Variants in LPP observed in about 807,000 individuals in gnomAD.
LPP encodes the protein LIM domain containing preferred translocation partner in lipoma.
In LPP, 38 loss-of-function variants were observed where a neutral mutation model predicts 60.4. The ratio of observed to expected loss-of-function variants is 0.63; its 90% CI spans 0.49 to 0.83. The LOEUF is 0.83. LPP is among the 40% of genes least tolerant of loss of function. The pLI is 0.00. For missense variants in LPP, 902 were observed against 783.6 expected (o/e 1.15, Z -1.80); for synonymous variants, 328 against 290.8 (o/e 1.13, Z -1.30).
intron 8 of LPP, among the ~76,000 whole-genome samples, chr3:188,755,432 C>A (rs1729813074): frequency 6.6e-6 from 1 of 151,976 alleles, no homozygotes; most frequent in African/African-American, 2.4e-5. Flanking sequence ...GTGGTGATCA[C>A]AGGAAAAACA....
Position 188,875,092 on chromosome 3 carries a change from T to C in LPP, c.*613T>C. The C allele has an allele frequency of 9.1e-6, 2 of 219,504 alleles. No homozygotes were observed. The highest frequency in any genetic ancestry group is 1.8e-5 in the Non-Finnish European group (2 of 109,454). 13.6% of individuals were successfully genotyped at this position (219,504 alleles called of 1,614,324 possible). ...CAAATTTAATTTGCAACCATCAGAA[T>C]TCAGAATCTATAGTGACCAGTGATC... On this transcript the variant is annotated 3_prime_UTR_variant, in exon 12 of 12. Transcript: ENST00000617246.
chr3:188,698,184 T>C (rs1863679761), intron 7 of LPP, among the ~76,000 whole-genome samples: 1 of 152,164 alleles, frequency 6.6e-6, no homozygotes, highest in Admixed American at 6.5e-5. Context: ...ATGAAACGTG[T>C]GCCTGGAGTC....
intron 5 of LPP, among the ~76,000 whole-genome samples, chr3:188,486,542 A>G (rs1806593959): frequency 1.3e-5 from 2 of 152,124 alleles, no homozygotes; most frequent in African/African-American, 4.8e-5. Context: ...TTGAAGAAGG[A>G]GAGGAGGGAA....
intron 9 of LPP, among the ~76,000 whole-genome samples, chr3:188,821,410 A>T (rs548781612): frequency 6.7e-6 from 1 of 149,988 alleles, no homozygotes; most frequent in African/African-American, 2.5e-5. Context: ...CAATGTTAAG[A>T]TTCATTGTTT....
intron 4 of LPP, among the ~76,000 whole-genome samples, chr3:188,438,737 A>G (rs948450361): frequency 1.3e-5 from 2 of 152,208 alleles, no homozygotes; most frequent in East Asian, 1.9e-4. Context: ...TAATGTCACT[A>G]TAACGTAAAA....
intron 7 of LPP, among the ~76,000 whole-genome samples, chr3:188,665,241 G>A (rs1855507142): frequency 6.6e-6 from 1 of 151,970 alleles, no homozygotes; most frequent in Non-Finnish European, 1.5e-5. Context: ...TGGGCTACAG[G>A]CATTCAATAC....
At chr3:188,566,194 A>G (rs1161524086) in intron 6 of LPP, among the ~76,000 whole-genome samples, 1 of 151,992 alleles carries the variant, frequency 6.6e-6, no homozygotes, top group African/African-American at 2.4e-5. Flanking sequence ...CACGATTACA[A>G]GACGATGGAA....
At chr3:188,299,993 AC>A (rs1278736843) in intron 2 of LPP, among the ~76,000 whole-genome samples, 6 of 152,230 alleles carry the variant, frequency 3.9e-5, no homozygotes, top group African/African-American at 7.2e-5. Context: ...TGTAATCTCA[AC>A]AAAGGGACTT....
At chr3:188,591,326 T>C (rs1366560604) in intron 6 of LPP, among the ~76,000 whole-genome samples, 1 of 152,204 alleles carries the variant, frequency 6.6e-6, no homozygotes, top group Non-Finnish European at 1.5e-5. Flanking sequence ...TAACATAGCC[T>C]TTTTCTGTTA....
intron 1 of LPP, among the ~76,000 whole-genome samples, chr3:188,210,510 G>T (rs999183751): frequency 6.6e-6 from 1 of 152,202 alleles, no homozygotes; most frequent in African/African-American, 2.4e-5. Flanking sequence ...GAATACCAAT[G>T]GGGCAGGCAC....
At chr3:188,444,013 G>A (rs1794653199) in intron 4 of LPP, among the ~76,000 whole-genome samples, 1 of 152,140 alleles carries the variant, frequency 6.6e-6, no homozygotes, top group South Asian at 2.1e-4. Flanking sequence ...TGCAAATATA[G>A]TGCATAATTT....
intron 7 of LPP, among the ~76,000 whole-genome samples, chr3:188,696,825 C>T (rs1251615842): frequency 1.3e-5 from 2 of 152,122 alleles, no homozygotes; most frequent in Admixed American, 1.3e-4. Flanking sequence ...GATTTCCTGA[C>T]TGGATTATAA....
chr3:188,803,100 A>G (rs1747837076), intron 9 of LPP, among the ~76,000 whole-genome samples: 1 of 134,664 alleles, frequency 7.4e-6, no homozygotes, highest in South Asian at 2.3e-4. Flanking sequence ...GCTAGAGTGT[A>G]GTGGCACAAT....
At chr3:188,252,310 C>T (rs1280712000) in intron 2 of LPP, among the ~76,000 whole-genome samples, 1 of 146,214 alleles carries the variant, frequency 6.8e-6, no homozygotes, top group East Asian at 2.0e-4. Flanking sequence ...TGCACTCCCT[C>T]TCTTCTTTTC....
intron 4 of LPP, among the ~76,000 whole-genome samples, chr3:188,483,071 C>T (rs1309784150): frequency 2.6e-5 from 4 of 152,124 alleles, no homozygotes; most frequent in African/African-American, 7.2e-5. Flanking sequence ...GATTCGGTGG[C>T]AGTGTATGAA....
chr3:188,234,036 T>C (rs182247896), intron 2 of LPP, among the ~76,000 whole-genome samples: 2 of 152,266 alleles, frequency 1.3e-5, no homozygotes, highest in Non-Finnish European at 2.9e-5. Context: ...AGCATCCTTC[T>C]GTAGCCTGCT....
chr3:188,609,959 A>C lies in LPP; in HGVS notation c.1113+115A>C, dbSNP rs764061874. On this transcript the variant is annotated intron_variant, in intron 7 of 11. Transcript: ENST00000617246. The surrounding 1 kb of genome is among the most constrained non-coding windows in gnomAD (Gnocchi z 6.9). The stretch of plus-strand genomic sequence containing the variant: ...GTGTGTTACTTTTATTTCACTGACA[A>C]ATACAATCCCAGGGAAGGATGAGTG... 6 of 1,000,668 alleles carry C rather than the reference A, an allele frequency of 6.0e-6. No individual in the cohort carries two copies. Among genetic ancestry groups the C allele is most frequent in the Non-Finnish European group, 8.7e-6 (6 of 688,752 alleles). The allele number at this position is 1,000,668 out of a possible 1,614,324, so 62.0% of individuals were successfully genotyped here.
chr3:188,318,160 T>G (rs1014464061), intron 2 of LPP, among the ~76,000 whole-genome samples: 7 of 152,350 alleles, frequency 4.6e-5, no homozygotes, highest in Admixed American at 3.9e-4. Flanking sequence ...ATCGTGCAGT[T>G]TAATTTAGCA....
At position 188,549,674 on chromosome 3, in the gene LPP, C is replaced by T. The variant is rs931302019; in HGVS notation, c.429+24887C>T. Among the ~76,000 whole-genome samples, 7 of 152,166 alleles carry T rather than the reference C, an allele frequency of 4.6e-5. No individual in the cohort carries two copies. The East Asian group carries it at 1.3e-3, about 29-fold the overall frequency. ...AAAAGAGTGATAAACCCAAAAAATA[C>T]AAACTCAGTTTACCTGAGACTGAGT... On this transcript the variant is annotated intron_variant, in intron 6 of 11. Coordinates refer to ENST00000617246, the MANE Select transcript of LPP (RefSeq NM_001375462.1).
Sources: allele counts gnomAD v4.1 joint callset (sites outside exome capture counted in the v4.1 genomes callset), GRCh38; gene constraint gnomAD v4.1.1; non-coding constraint Gnocchi (gnomAD v3.1); transcripts MANE v1.5; gene names NCBI Gene and HGNC (gene_info 2026-07-23, HGNC 2026-07-21).